The following KANSL3 variants were observed in gnomAD, a reference collection of about 807,000 sequenced individuals.
The protein encoded by KANSL3 is KAT8 regulatory NSL complex subunit 3.
Under a neutral mutation model 89.2 loss-of-function variants are expected in KANSL3, and 16 were observed. That is an observed-to-expected ratio of 0.18 (90% confidence interval 0.12 to 0.27). The LOEUF (loss-of-function observed/expected upper bound fraction) is 0.27, where lower values mean the gene tolerates loss of function less well. KANSL3 is among the 10% of genes least tolerant of loss of function. KANSL3 has a pLI of 1.00. For missense variants in KANSL3, 879 were observed against 1,110.6 expected, an observed-to-expected ratio of 0.79 and a Z score of 2.96; for synonymous variants, 385 against 419.7, an observed-to-expected ratio of 0.92 and a Z score of 1.01.
At chr2:96,618,206 T>A (rs1381876784) in intron 5 of KANSL3, among the ~76,000 whole-genome samples, 1 of 148,644 alleles carries the variant, frequency 6.7e-6, no homozygotes, top group Non-Finnish European at 1.5e-5. Flanking sequence ...ATTTGGTTCT[T>A]TCTCTTCTCT....
Position 96,605,300 on chromosome 2 carries a change from A to C in KANSL3, c.1933+20T>G. 6.3e-7 allele frequency: 1 copy of C among 1,595,810 alleles called. No homozygotes were observed. On this transcript the variant is annotated intron_variant, in intron 15 of 20. Transcript: ENST00000431828. ...CCTGAGAGAGCTCAGTTCTCATTTA[A>C]CGTACCAAGAGAAACTCACCTTCTG... is the stretch of plus-strand genomic sequence containing the variant.
Position 96,612,409 on chromosome 2 carries a change from C to T in KANSL3, c.1014+53G>A. On this transcript the variant is annotated intron_variant, in intron 8 of 20. Transcript: ENST00000431828. ...CAGGAGGCCAAAGATAGGTGCAGAA[C>T]AACCCCAGAATGCTGGGTATGCCAC... 1.9e-6 allele frequency: 3 copies of T among 1,605,032 alleles called. No homozygotes were observed. In the South Asian group the frequency reaches 3.3e-5, roughly 18 times the overall value.
At position 96,609,703 on chromosome 2, in the gene KANSL3, C is replaced by A. The variant is rs117354315; in HGVS notation, c.1320-141G>T. 3 of 736,124 alleles carry A rather than the reference C, an allele frequency of 4.1e-6. No homozygotes were observed. The African/African-American group carries it at 5.2e-5, about 13-fold the overall frequency. The allele number at this position is 736,124 out of a possible 1,614,324, so 45.6% of individuals were successfully genotyped here. On this transcript the variant is annotated intron_variant, in intron 11 of 20. Coordinates refer to ENST00000431828, the MANE Select transcript of KANSL3 (RefSeq NM_001115016.3). ...TGTTAGCCTTAGGCAGGTAATGCAA[C>A]CTCTCCGAACCTGTTTCCGTGTCTG...
At chr2:96,599,970 C>T (rs370103170) in intron 20 of KANSL3, among the ~76,000 whole-genome samples, 2 of 152,264 alleles carry the variant, frequency 1.3e-5, no homozygotes, top group East Asian at 3.9e-4. Flanking sequence ...ATTCTCTGGC[C>T]TGGAGAAATG....
intron 20 of KANSL3, among the ~76,000 whole-genome samples, chr2:96,596,837 A>C (rs1458218290): frequency 2.6e-5 from 4 of 152,230 alleles, no homozygotes; most frequent in African/African-American, 9.6e-5. Flanking sequence ...AGGTCCTGGT[A>C]TGGCCAGCAG....
At chr2:96,615,943 C>A (rs1310685869) in intron 5 of KANSL3, among the ~76,000 whole-genome samples, 2 of 152,142 alleles carry the variant, frequency 1.3e-5, no homozygotes, top group African/African-American at 2.4e-5. Context: ...ATTCAAACCA[C>A]CCAATGGAGA....
intron 14 of KANSL3, 183 bp from the exon 15 acceptor site, chr2:96,605,694 TC>T: frequency 2.1e-6 from 1 of 468,780 alleles, no homozygotes; most frequent in Non-Finnish European, 3.8e-6. Context: ...TCAGGCCCTG[TC>T]CGTGGGGGAC....
chr2:96,593,029 C>G (rs1391549130), downstream of KANSL3: 3 of 251,282 alleles, frequency 1.2e-5, no homozygotes, highest in South Asian at 1.3e-4. Flanking sequence ...AATTACAGTA[C>G]CCCCTCATAC....
rs529653546 is a variant in KANSL3 at position 96,619,816 on chromosome 2, T to A, written c.387-54A>T. 2.3e-6 allele frequency: 3 copies of A among 1,284,128 alleles called. No individual in the cohort carries two copies. The South Asian group carries it at 3.9e-5, about 17-fold the overall frequency. The allele number at this position is 1,284,128 out of a possible 1,614,324, so 79.5% of individuals were successfully genotyped here. ...TCAAACCCTGGGGACGCTCCCCATG[T>A]ATGTACACCATATAAAGAAGATTAT... On this transcript the variant is annotated intron_variant, in intron 3 of 20. Coordinates refer to ENST00000431828, the MANE Select transcript of KANSL3 (RefSeq NM_001115016.3).
downstream of KANSL3, among the ~76,000 whole-genome samples, chr2:96,588,893 C>G (rs1245144377): frequency 2.0e-5 from 3 of 152,116 alleles, no homozygotes; most frequent in African/African-American, 4.8e-5. Context: ...CGCACCCAGC[C>G]CTTTTCTTAA....
intron 11 of KANSL3, among the ~76,000 whole-genome samples, chr2:96,609,950 CAAAA>C (rs35175492): frequency 4.6e-5 from 1 of 21,608 alleles, no homozygotes; most frequent in Non-Finnish European, 7.4e-5. Flanking sequence ...GGCGCCACCT[CAAAA>C]AAAAAAAAAA....
chr2:96,637,349 C>CA lies in KANSL3; in HGVS notation c.-50-165dup, dbSNP rs1396524334. 8.8e-4 allele frequency: 396 copies of CA among 449,104 alleles called. 1 individual carries two copies. Among genetic ancestry groups the CA allele is most frequent in the South Asian group, 2.5e-3 (58 of 23,054 alleles). 27.8% of individuals were successfully genotyped at this position (449,104 alleles called of 1,614,324 possible). ...GGTTCGTGGAATCCCACACCAACAC[C>CA]AAAAAAAAAGAAAAAAAAAACTATG... On this transcript the variant is annotated intron_variant, in intron 1 of 20. Transcript: ENST00000431828.
At chr2:96,637,260 T>TA (rs2074371227) in intron 1 of KANSL3, 75 bp from the exon 2 acceptor site, 1 of 636,924 alleles carries the variant, frequency 1.6e-6, no homozygotes. Context: ...CTAACATGCT[T>TA]ACTTTTGTAA....
rs74632247 is a variant in KANSL3 at position 96,626,736 on chromosome 2, A to G, written c.386+4576T>C. On this transcript the variant is annotated intron_variant, in intron 3 of 20. Transcript: ENST00000431828. ...AAGCTGGCCCAACATCTTCAGGACT[A>G]CATCACTATGCCAGCAAATAGAAAT... Among the ~76,000 whole-genome samples the G allele has an allele frequency of 2.6e-5, 4 of 152,374 alleles. No homozygotes were observed. In the East Asian group the frequency reaches 7.7e-4, roughly 29 times the overall value.
the KANSL3 span, among the ~76,000 whole-genome samples, chr2:96,581,169 T>C: frequency 6.6e-6 from 1 of 152,210 alleles, no homozygotes; most frequent in Non-Finnish European, 1.5e-5. Flanking sequence ...CTCACGCCTG[T>C]AATCCCAGCA....
chr2:96,606,866 G>T, intron 14 of KANSL3: 1 of 533,518 alleles, frequency 1.9e-6, no homozygotes, highest in South Asian at 1.7e-5. Context: ...GAAAAGAACA[G>T]GAGGAAACCA....
rs2066444203 is a variant in KANSL3 at position 96,595,363 on chromosome 2, G to C, written c.*248C>G. On this transcript the variant is annotated 3_prime_UTR_variant, in exon 21 of 21. Transcript: ENST00000431828. The stretch of plus-strand genomic sequence containing the variant: ...AGTGGTTCTGATCCATGTACAGCCA[G>C]ATCTGCTGAGGAGTCTGGGGTTCCC... The C allele has an allele frequency of 4.0e-6, 2 of 501,118 alleles. No individual in the cohort carries two copies. Among genetic ancestry groups the C allele is most frequent in the South Asian group, 5.2e-5 (2 of 38,144 alleles). 31.0% of individuals were successfully genotyped at this position (501,118 alleles called of 1,614,324 possible).
the KANSL3 span, among the ~76,000 whole-genome samples, chr2:96,583,228 C>T: frequency 6.6e-6 from 1 of 152,190 alleles, no homozygotes; most frequent in East Asian, 1.9e-4. Flanking sequence ...TCTCCAGCAG[C>T]TTATGGGAAG....
chr2:96,601,657 G>A lies in KANSL3; in HGVS notation c.2602C>T (p.Pro868Ser), dbSNP rs758139229. 6.2e-7 allele frequency: 1 copy of A among 1,613,556 alleles called. No homozygotes were observed. The highest frequency in any genetic ancestry group is 2.2e-5 in the East Asian group (1 of 44,856). The change falls in exon 20 of 21, where the codon CCC becomes TCC. Residue 868 changes from proline to serine, a missense_variant. By Grantham distance (74) the Pro-to-Ser change is moderately conservative. Around this residue, in one of 6 missense-constraint regions of KANSL3, gnomAD observed 61 missense variants for 61.7 expected, o/e 0.99. Transcript: ENST00000431828. Reference sequence around the variant, plus strand: ...GGCAGACTCACCTGTGAGCTGGAGGGCAGCACCTGGGAAGAGGACTCCTCG... The same window carrying A: ...GGCAGACTCACCTGTGAGCTGGAGGACAGCACCTGGGAAGAGGACTCCTCG... ...PSEESSSQVLPSSSQRLPPAP is the reference protein window; with the variant it reads ...PSEESSSQVLSSSSQRLPPAP
Sources: allele counts gnomAD v4.1 joint callset (sites outside exome capture counted in the v4.1 genomes callset), GRCh38; gene constraint gnomAD v4.1.1; regional missense constraint gnomAD v4.1.1; transcripts MANE v1.5; gene names NCBI Gene and HGNC (gene_info 2026-07-23, HGNC 2026-07-21).